Variants in MORC3 observed in about 807,000 individuals in gnomAD.
The protein encoded by MORC3 is MORC family CW-type zinc finger protein 3.
MORC3 carries 31 observed loss-of-function variants against 109.1 expected under a neutral mutation model. The ratio of observed to expected loss-of-function variants is 0.28; its 90% confidence interval spans 0.21 to 0.38. The LOEUF is 0.38. Ranked by LOEUF, MORC3 falls within the 10% of genes least tolerant of loss-of-function variation. The pLI, the probability that MORC3 is intolerant of heterozygous loss-of-function variation, is 1.00. For missense variants in MORC3, 867 were observed against 1,135.8 expected, an observed-to-expected ratio of 0.76 and a Z score of 3.40; for synonymous variants, 395 against 380.7, an observed-to-expected ratio of 1.04 and a Z score of -0.44.
Position 36,359,348 on chromosome 21 carries a change from C to T in MORC3, c.1209-607C>T, listed in dbSNP as rs759996548. Among the ~76,000 whole-genome samples the T allele has an allele frequency of 2.4e-4, 37 of 152,112 alleles. 1 individual carries two copies. The highest frequency in any genetic ancestry group is 4.6e-4 in the Non-Finnish European group (31 of 68,002). The stretch of plus-strand genomic sequence containing the variant: ...ATGGGGTCTCACTATGTTGCCCAGG[C>T]TGGCCTCATACTCCTGTGCTCAAGC... On this transcript the variant is annotated intron_variant, in intron 10 of 16. Transcript: ENST00000400485.
chr21:36,351,942 C>T (rs2085577473), intron 9 of MORC3, among the ~76,000 whole-genome samples: 1 of 152,136 alleles, frequency 6.6e-6, no homozygotes, highest in South Asian at 2.1e-4. Context: ...GCCACATAGC[C>T]TTGTTAGTAA....
At chr21:36,355,472 A>G (rs1247195328) in intron 9 of MORC3, among the ~76,000 whole-genome samples, 1 of 152,174 alleles carries the variant, frequency 6.6e-6, no homozygotes, top group East Asian at 1.9e-4. Context: ...TTCAAGGCTT[A>G]AGGGTTAGCA....
chr21:36,342,400 GT>G (rs2085459699), intron 6 of MORC3, among the ~76,000 whole-genome samples: 1 of 151,612 alleles, frequency 6.6e-6, no homozygotes, highest in Non-Finnish European at 1.5e-5. Context: ...TTGTTTTTTT[GT>G]TTTTCTTTTT....
At chr21:36,362,414 A>G (rs2085729397) in intron 13 of MORC3, among the ~76,000 whole-genome samples, 186 bp downstream of exon 13, 2 of 151,856 alleles carry the variant, frequency 1.3e-5, no homozygotes, top group South Asian at 2.1e-4. Flanking sequence ...GTGGTGGCAC[A>G]TACCTGTAAT....
At chr21:36,337,076 C>A in intron 3 of MORC3, 70 bp downstream of exon 3, 2 of 1,539,144 alleles carry the variant, frequency 1.3e-6, no homozygotes, top group Non-Finnish European at 1.8e-6. Context: ...GCCATACTTA[C>A]TATTCTTGGT....
At chr21:36,339,104 A>G (rs2085406547) in intron 5 of MORC3, 183 bp downstream of exon 5, 2 of 654,082 alleles carry the variant, frequency 3.1e-6, no homozygotes, top group South Asian at 4.1e-5. Context: ...TCAATTTGAG[A>G]TATTTTCATC....
chr21:36,329,837 C>T (rs577811967), intron 1 of MORC3, among the ~76,000 whole-genome samples: 5 of 152,152 alleles, frequency 3.3e-5, no homozygotes, highest in African/African-American at 1.2e-4. Flanking sequence ...TCCTCTTTTC[C>T]CTTTTTTCTT....
chr21:36,328,238 C>G (rs1430761236), intron 1 of MORC3, among the ~76,000 whole-genome samples: 1 of 151,128 alleles, frequency 6.6e-6, no homozygotes. Context: ...TATATTTGTT[C>G]TTTGTCCTGG....
chr21:36,372,643 A>C, intron 16 of MORC3, 112 bp downstream of exon 16: 2 of 1,139,764 alleles, frequency 1.8e-6, no homozygotes, highest in South Asian at 4.3e-5. Context: ...GAAGTTATTG[A>C]TGGTCTGCTG....
chr21:36,369,812 A>G lies in MORC3; in HGVS notation c.2444A>G (p.Gln815Arg), dbSNP rs2146341323. 6.2e-7 allele frequency: 1 copy of G among 1,614,144 alleles called. No homozygotes were observed. Among genetic ancestry groups the G allele is most frequent in the South Asian group, 1.1e-5 (1 of 91,078 alleles). Residue 815 changes from glutamine to arginine, a missense_variant, in exon 15 of 17, where the codon CAG (glutamine) becomes CGG (arginine). By Grantham distance (43) the Gln-to-Arg change is conservative (BLOSUM62 1). Around this residue, in one of 7 missense-constraint regions of MORC3, gnomAD observed 486 missense variants for 502.1 expected, o/e 0.97. Coordinates refer to ENST00000400485, the MANE Select transcript of MORC3 (RefSeq NM_015358.3). ...AGTGAAATGGATGAGATGGCTGTGC[A>G]GCTTGACGATGTGTTTAGACAACTG... is the stretch of plus-strand genomic sequence containing the variant. ...SKSEMDEMAV[Q>R]LDDVFRQLDK...
At chr21:36,320,775 T>A (rs934757627) in intron 1 of MORC3, 1 of 159,352 alleles carries the variant, frequency 6.3e-6, no homozygotes, top group African/African-American at 2.4e-5. Flanking sequence ...GGAGTCAGGA[T>A]GAGTGTGCCT....
At chr21:36,360,565 AGAAGAG>A in intron 12 of MORC3, 1 of 371,820 alleles carries the variant, frequency 2.7e-6, no homozygotes, top group Non-Finnish European at 4.9e-6. Flanking sequence ...AAGGTGTAAC[AGAAGAG>A]GTGATACATG....
chr21:36,335,638 T>C (rs1408143535), intron 2 of MORC3, among the ~76,000 whole-genome samples: 1 of 152,130 alleles, frequency 6.6e-6, no homozygotes, highest in Non-Finnish European at 1.5e-5. Context: ...TTTAAACGTA[T>C]TTCTTCCTAC....
chr21:36,340,804 T>A (rs1337234999), intron 5 of MORC3, among the ~76,000 whole-genome samples: 2 of 152,002 alleles, frequency 1.3e-5, no homozygotes, highest in Non-Finnish European at 2.9e-5. Context: ...GCCTGGCTGA[T>A]TTTTGTGTTT....
Position 36,372,358 on chromosome 21 carries a change from T to C in MORC3, c.2509-16T>C, listed in dbSNP as rs1051063418. 6 of 1,548,436 alleles carry C rather than the reference T, an allele frequency of 3.9e-6. No individual in the cohort carries two copies. In the African/African-American group the frequency reaches 8.3e-5, roughly 21 times the overall value. Reference sequence around the variant, plus strand: ...TTAAGTTTTACAGTTATAAAGCTCATTTATATTTTTGTTAGGTTGAATTGC... The same window carrying C: ...TTAAGTTTTACAGTTATAAAGCTCACTTATATTTTTGTTAGGTTGAATTGC... On this transcript the variant is annotated splice_polypyrimidine_tract_variant and intron_variant, in intron 15 of 16. Coordinates refer to ENST00000400485, the MANE Select transcript of MORC3 (RefSeq NM_015358.3).
At chr21:36,356,527 T>A in intron 9 of MORC3, 93 bp from the exon 10 acceptor site, 1 of 677,406 alleles carries the variant, frequency 1.5e-6, no homozygotes, top group Non-Finnish European at 2.3e-6. Context: ...TTGGAGTTTT[T>A]TCTCTTCACA....
At chr21:36,371,958 C>T (rs546488684) in intron 15 of MORC3, among the ~76,000 whole-genome samples, 4 of 152,066 alleles carry the variant, frequency 2.6e-5, no homozygotes, top group South Asian at 2.1e-4. Context: ...AGATTACAGG[C>T]GGCTGCCATC....
In MORC3 at chr21:36,337,941, A is replaced by G. The variant is rs769756884; in HGVS notation, c.455A>G (p.Lys152Arg). The change falls in exon 4 of 17, where the codon AAG (lysine) becomes AGG (arginine). Residue 152 changes from lysine to arginine, a missense_variant. By Grantham distance (26) the Lys-to-Arg change is conservative (BLOSUM62 2). Coordinates refer to ENST00000400485, the MANE Select transcript of MORC3 (RefSeq NM_015358.3). The stretch of plus-strand genomic sequence containing the variant: ...GTTGTTCCAATAGTGGCATTCAACA[A>G]GCACCATATCCTTTTGGTTGTGAAA... Reference protein sequence around the residue: ...HVVVPIVAFNKHRQMINLAES... With the variant: ...HVVVPIVAFNRHRQMINLAES... 37 of 1,613,880 alleles carry G rather than the reference A, an allele frequency of 2.3e-5. No individual in the cohort carries two copies. Among genetic ancestry groups the G allele is most frequent in the Non-Finnish European group, 5.9e-6 (7 of 1,179,884 alleles).
At chr21:36,332,731 C>T (rs1346845328) in intron 1 of MORC3, among the ~76,000 whole-genome samples, 1 of 149,134 alleles carries the variant, frequency 6.7e-6, no homozygotes, top group African/African-American at 2.4e-5. Context: ...TATGTACTGA[C>T]TCGAGTATGG....
Sources: gnomAD v4.1 joint callset for allele counts (sites outside exome capture counted in the v4.1 genomes callset) on GRCh38, gnomAD v4.1.1 for gene constraint, gnomAD v4.1.1 regional missense constraint, MANE v1.5 for transcripts, NCBI Gene and HGNC (gene_info 2026-07-23, HGNC 2026-07-21) for gene names.